Variants in ZNF470 observed in about 807,000 individuals in gnomAD.
ZNF470 encodes chondrogenesis zinc finger protein 1.
A neutral mutation model predicts 13.9 loss-of-function variants in ZNF470; 13 were observed. The observed-to-expected ratio is 0.94, with a 90% CI of 0.61 to 1.49. The LOEUF (loss-of-function observed/expected upper bound fraction) is 1.49, where lower values mean the gene tolerates loss of function less well. ZNF470 is among the 40% of genes most tolerant of loss of function. The pLI, the probability that ZNF470 is intolerant of heterozygous loss-of-function variation, is 0.00. For synonymous variants in ZNF470, 293 were observed against 282.9 expected (o/e 1.04, Z -0.36); for missense variants, 929 against 857.3 (o/e 1.08, Z -1.04).
chr19:56,579,143 T>C lies in ZNF470; in HGVS notation c.*560T>C. The C allele has an allele frequency of 1.0e-6, 1 of 985,478 alleles. No homozygotes were observed. The highest frequency in any genetic ancestry group is 1.2e-6 in the Non-Finnish European group (1 of 829,970). The allele number at this position is 985,478 out of a possible 1,614,324, so 61.0% of individuals were successfully genotyped here. On this transcript the variant is annotated 3_prime_UTR_variant, in exon 6 of 6. Coordinates refer to ENST00000330619, the MANE Select transcript of ZNF470 (RefSeq NM_001001668.4). ...GCCAATTAGAACAAAAGCTTTTAGC[T>C]GGGTGCGGTGGCTCATGCCTGTAGT...
rs747332942 is a variant in ZNF470, at chr19:56,578,548, C to A, written c.2119C>A (p.Leu707Ile). ...RIHTGESSVILSSALPYHQVL is the reference protein window; with the variant it reads ...RIHTGESSVIISSALPYHQVL ...TCATACCGGAGAGTCATCAGTTATT[C>A]TCTCCTCTGCCCTCCCATACCACCA... is the stretch of plus-strand genomic sequence containing the variant. Residue 707 changes from leucine to isoleucine, a missense_variant, in exon 6 of 6, where the codon CTC becomes ATC. Transcript: ENST00000330619. 1.3e-5 allele frequency: 20 copies of A among 1,569,874 alleles called. No individual in the cohort carries two copies. The highest frequency in any genetic ancestry group is 1.7e-5 in the Non-Finnish European group (20 of 1,158,130).
intron 3 of ZNF470, among the ~76,000 whole-genome samples, chr19:56,572,371 A>AATATGTGTATATATATATATATATAT (rs2044459552): frequency 5.8e-5 from 1 of 17,238 alleles, no homozygotes; most frequent in African/African-American, 8.3e-4. Context: ...AAAAAAAAAA[A>AATATGTGTATATATATATATATATAT]ATATATATAT....
rs1199135897 is a variant in ZNF470 at position 56,579,515 on chromosome 19, A to C, written c.*932A>C. On this transcript the variant is annotated 3_prime_UTR_variant, in exon 6 of 6. Coordinates refer to ENST00000330619, the MANE Select transcript of ZNF470 (RefSeq NM_001001668.4). The stretch of plus-strand genomic sequence containing the variant: ...AAAGTAACAAGCCAAAAAAACTTGA[A>C]TAGATTAATAGCCATGAAACACTGA... The C allele has an allele frequency of 2.0e-6, 2 of 985,462 alleles. No individual in the cohort carries two copies. The highest frequency in any genetic ancestry group is 3.5e-5 in the African/African-American group (2 of 57,366). The allele number at this position is 985,462 out of a possible 1,614,324, so 61.0% of individuals were successfully genotyped here. A position where few individuals can be genotyped will look rare whatever the true frequency, so the allele number is the denominator to read the frequency against.
rs997944497 is a variant in ZNF470, at chr19:56,579,208, G to C, written c.*625G>C. ...AGGCTGAGGCAGGCAGATTGCTTGA[G>C]CTCAGGAGTTCGAGACCAACCTGAG... On this transcript the variant is annotated 3_prime_UTR_variant, in exon 6 of 6. Coordinates refer to ENST00000330619, the MANE Select transcript of ZNF470 (RefSeq NM_001001668.4). 1.7e-5 allele frequency: 16 copies of C among 939,390 alleles called. No homozygotes were observed. In the African/African-American group the frequency reaches 2.7e-4, roughly 16 times the overall value. 58.2% of individuals were successfully genotyped at this position (939,390 alleles called of 1,614,324 possible). A position where few individuals can be genotyped will look rare whatever the true frequency, so the allele number is the denominator to read the frequency against.
intron 5 of ZNF470, among the ~76,000 whole-genome samples, chr19:56,576,208 A>G (rs1323590675): frequency 6.6e-6 from 1 of 152,170 alleles, no homozygotes; most frequent in Non-Finnish European, 1.5e-5. Context: ...GGTTACCATA[A>G]CTGATACCAA....
chr19:56,568,067 G>A (rs1271805868), intron 1 of ZNF470, 29 bp downstream of exon 1: 2 of 985,840 alleles, frequency 2.0e-6, no homozygotes, highest in East Asian at 2.3e-4. Flanking sequence ...GGATGTGGCT[G>A]CCGGAGTGGA....
In ZNF470 at chr19:56,579,884, A is replaced by C. The variant is rs1177900956; in HGVS notation, c.*1301A>C. On this transcript the variant is annotated 3_prime_UTR_variant, in exon 6 of 6. Coordinates refer to ENST00000330619, the MANE Select transcript of ZNF470 (RefSeq NM_001001668.4). ...AGAAGCTGATTCTGATCATCTGTAG[A>C]ATTTTGATTTTAACGAGGAATGTAG... 4.2e-6 allele frequency: 2 copies of C among 474,036 alleles called. No homozygotes were observed. Among genetic ancestry groups the C allele is most frequent in the African/African-American group, 4.2e-5 (2 of 47,286 alleles). The allele number at this position is 474,036 out of a possible 1,614,324, so 29.4% of individuals were successfully genotyped here.
In ZNF470 at chr19:56,567,735, C is replaced by T; in HGVS notation, c.-462C>T. 1 of 987,944 alleles carries T rather than the reference C, an allele frequency of 1.0e-6. No homozygotes were observed. Among genetic ancestry groups the T allele is most frequent in the Non-Finnish European group, 1.2e-6 (1 of 831,942 alleles). 61.2% of individuals were successfully genotyped at this position (987,944 alleles called of 1,614,324 possible). ...TGTGTGACTGTCCGGTGCGTGGCCG[C>T]GAATCTGCGCCTGCGTGCATGGCCC... On this transcript the variant is annotated 5_prime_UTR_variant, in exon 1 of 6. Coordinates refer to ENST00000330619, the MANE Select transcript of ZNF470 (RefSeq NM_001001668.4).
In ZNF470 at chr19:56,578,562, C is replaced by G; in HGVS notation, c.2133C>G (p.Leu711=). 1 of 1,549,850 alleles carries G rather than the reference C, an allele frequency of 6.5e-7. No homozygotes were observed. ...CATCAGTTATTCTCTCCTCTGCCCTCCCATACCACCAAGTCCTATAGATTC... is the reference window on the plus strand; with the variant it reads ...CATCAGTTATTCTCTCCTCTGCCCTGCCATACCACCAAGTCCTATAGATTC... The part of the protein sequence containing the change: ...GESSVILSSA[L]PYHQVL Residue 711 remains leucine, a synonymous_variant, in exon 6 of 6, where the codon CTC becomes CTG. Transcript: ENST00000330619.
Position 56,581,641 on chromosome 19 carries a change from G to A in ZNF470, c.*3058G>A. 1.1e-6 allele frequency: 1 copy of A among 932,868 alleles called. No homozygotes were observed. The highest frequency in any genetic ancestry group is 5.0e-5 in the South Asian group (1 of 20,136). 57.8% of individuals were successfully genotyped at this position (932,868 alleles called of 1,614,324 possible). Reference sequence around the variant, plus strand: ...AAATGAAAAATTGCAGACCTGTATTGTAGTATAGGCCCATAATTGTGATAT... The same window carrying A: ...AAATGAAAAATTGCAGACCTGTATTATAGTATAGGCCCATAATTGTGATAT... On this transcript the variant is annotated 3_prime_UTR_variant, in exon 6 of 6. Coordinates refer to ENST00000330619, the MANE Select transcript of ZNF470 (RefSeq NM_001001668.4).
Position 56,577,513 on chromosome 19 carries a change from C to A in ZNF470, c.1084C>A (p.His362Asn). The A allele has an allele frequency of 2.5e-6, 4 of 1,613,592 alleles. No individual in the cohort carries two copies. Among genetic ancestry groups the A allele is most frequent in the Non-Finnish European group, 3.4e-6 (4 of 1,179,584 alleles). ...ATCCCTAGCTCATCATCGAAGGATT[C>A]ACACTGGGAAAAGACCTTATGAATG... ...CSSLAHHRRI[H>N]TGKRPYECID... The change falls in exon 6 of 6, where the codon CAC becomes AAC. Residue 362 changes from histidine to asparagine, a missense_variant. By Grantham distance (68) the His-to-Asn change is moderately conservative. Transcript: ENST00000330619.
At chr19:56,571,564 A>C (rs2044451957) in intron 3 of ZNF470, among the ~76,000 whole-genome samples, 1 of 152,122 alleles carries the variant, frequency 6.6e-6, no homozygotes, top group African/African-American at 2.4e-5. Flanking sequence ...CAAACTTAGA[A>C]AATTAAAATT....
rs147638149 is a variant in ZNF470 at position 56,577,531 on chromosome 19, T to C, written c.1102T>C (p.Tyr368His). 3 of 1,614,084 alleles carry C rather than the reference T, an allele frequency of 1.9e-6. No homozygotes were observed. The highest frequency in any genetic ancestry group is 2.2e-5 in the East Asian group (1 of 44,878). Residue 368 changes from tyrosine to histidine, a missense_variant, in exon 6 of 6, where the codon TAT (tyrosine) becomes CAT (histidine). Physicochemically the swap from Tyr to His is moderately conservative, Grantham distance 83. Transcript: ENST00000330619. ...AAGGATTCACACTGGGAAAAGACCTTATGAATGTATTGACTGTGGGAAAGC... is the reference window on the plus strand; with the variant it reads ...AAGGATTCACACTGGGAAAAGACCTCATGAATGTATTGACTGTGGGAAAGC... ...HRRIHTGKRP[Y>H]ECIDCGKAFR...
chr19:56,577,958 AAT>A lies in ZNF470; in HGVS notation c.1530_1531del (p.Cys511Ter). On this transcript the variant is annotated frameshift_variant, in exon 6 of 6. Transcript: ENST00000330619. LOFTEE classifies it low-confidence loss of function (END_TRUNC). ...ATTCATACTGGAGAGAAACCTTATG[AAT>A]GTAAGGAATGCAGCAAAACCTTCAG... The A allele has an allele frequency of 6.2e-7, 1 of 1,614,104 alleles. No individual in the cohort carries two copies. Among genetic ancestry groups the A allele is most frequent in the Non-Finnish European group, 8.5e-7 (1 of 1,180,004 alleles).
chr19:56,575,988 C>G (rs553055314), intron 5 of ZNF470, among the ~76,000 whole-genome samples: 4 of 152,124 alleles, frequency 2.6e-5, no homozygotes, highest in Admixed American at 6.6e-5. Flanking sequence ...AACAGTAGCG[C>G]TACTGAAAAT....
rs760814523 is a variant in ZNF470 at position 56,576,789 on chromosome 19, C to T, written c.360C>T (p.Ile120=). The T allele has an allele frequency of 6.4e-7, 1 of 1,552,032 alleles. No homozygotes were observed. Among genetic ancestry groups the T allele is most frequent in the South Asian group, 1.3e-5 (1 of 79,494 alleles). ...ATGAAGAAAAATTACCCCCGGCAATCATAATGGAAAGACTTAAAAGCTATG... is the reference window on the plus strand; with the variant it reads ...ATGAAGAAAAATTACCCCCGGCAATTATAATGGAAAGACTTAAAAGCTATG... ...DIYEEKLPPA[I]IMERLKSYDL... The change falls in exon 6 of 6, where the codon ATC becomes ATT. Residue 120 remains isoleucine (I), a synonymous_variant. Transcript: ENST00000330619.
chr19:56,582,414 A>G lies in ZNF470; in HGVS notation c.*3831A>G, dbSNP rs2044541973. The G allele has an allele frequency of 2.0e-6, 2 of 985,318 alleles. No homozygotes were observed. Among genetic ancestry groups the G allele is most frequent in the South Asian group, 9.4e-5 (2 of 21,294 alleles). The allele number at this position is 985,318 out of a possible 1,614,324, so 61.0% of individuals were successfully genotyped here. A position where few individuals can be genotyped will look rare whatever the true frequency, so the allele number is the denominator to read the frequency against. ...TTACATTGTTTAAAGTCATAGGGTT[A>G]AGATGGCTCATAACCAAATTTAGAG... On this transcript the variant is annotated 3_prime_UTR_variant, in exon 6 of 6. Transcript: ENST00000330619.
intron 1 of ZNF470, 101 bp from the exon 2 acceptor site, chr19:56,568,657 G>C (rs2044428797): frequency 6.6e-6 from 1 of 152,146 alleles, no homozygotes; most frequent in Non-Finnish European, 1.5e-5. Context: ...TGTTTAATGA[G>C]TGTTTATTAT....
rs1281323014 is a variant in ZNF470, at chr19:56,580,778, G to A, written c.*2195G>A. The A allele has an allele frequency of 6.7e-6, 6 of 898,776 alleles. No individual in the cohort carries two copies. In the African/African-American group the frequency reaches 1.1e-4, roughly 16 times the overall value. The allele number at this position is 898,776 out of a possible 1,614,324, so 55.7% of individuals were successfully genotyped here. A position where few individuals can be genotyped will look rare whatever the true frequency, so the allele number is the denominator to read the frequency against. ...TAGAAGCATAATGGCTAGGGGATGGGTAGTCTCACCAGAGAATGTGGAGCT... is the reference window on the plus strand; with the variant it reads ...TAGAAGCATAATGGCTAGGGGATGGATAGTCTCACCAGAGAATGTGGAGCT... On this transcript the variant is annotated 3_prime_UTR_variant, in exon 6 of 6. Coordinates refer to ENST00000330619, the MANE Select transcript of ZNF470 (RefSeq NM_001001668.4).
Sources: allele counts gnomAD v4.1 joint callset (sites outside exome capture counted in the v4.1 genomes callset), GRCh38; gene constraint gnomAD v4.1.1; transcripts MANE v1.5; gene names NCBI Gene and HGNC (gene_info 2026-07-23, HGNC 2026-07-21).